Variants in CNOT6L observed in about 807,000 individuals in gnomAD.
CNOT6L encodes the protein CCR4-NOT transcription complex subunit 6-like.
A neutral mutation model predicts 64.0 loss-of-function variants in CNOT6L; 7 were observed. That is an observed-to-expected ratio of 0.11 (90% CI 0.06 to 0.21). CNOT6L has a LOEUF of 0.21. CNOT6L is among the 10% of genes least tolerant of loss of function. The pLI is 1.00. For missense variants in CNOT6L, 245 were observed against 669.0 expected (o/e 0.37, Z 6.99); for synonymous variants, 193 against 243.4 (o/e 0.79, Z 1.93).
At position 77,794,656 on chromosome 4, in the gene CNOT6L, C is replaced by G. The variant is rs144219664; in HGVS notation, c.6-18264G>C. ...CTGATAAATGGCATCAATGAAAAAT[C>G]TATAGCTAACATTAATGGTGAAATT... On this transcript the variant is annotated intron_variant, in intron 1 of 11. Transcript: ENST00000504123. Among the ~76,000 whole-genome samples, 506 of 152,252 alleles carry G rather than the reference C, an allele frequency of 3.3e-3. 7 individuals are homozygous for G. The East Asian group carries it at 0.036, about 11-fold the overall frequency.
intron 1 of CNOT6L, among the ~76,000 whole-genome samples, chr4:77,779,046 C>CAAAAAAAAAAAAAAAAAAAAAAAAA (rs747920305): frequency 1.5e-5 from 1 of 67,112 alleles, no homozygotes. Flanking sequence ...GACTCTGTCT[C>CAAAAAAAAAAAAAAAAAAAAAAAAA]AAAAAAAAAA....
chr4:77,752,022 A>T (rs1009978306), intron 5 of CNOT6L, among the ~76,000 whole-genome samples: 2 of 152,178 alleles, frequency 1.3e-5, no homozygotes, highest in African/African-American at 2.4e-5. Context: ...AATATTAAAA[A>T]ATTAGCCAGA....
intron 1 of CNOT6L, among the ~76,000 whole-genome samples, chr4:77,784,162 G>A (rs1207833488): frequency 6.6e-6 from 1 of 152,008 alleles, no homozygotes; most frequent in Non-Finnish European, 1.5e-5. Context: ...AAATAAAGGA[G>A]AAAGAAATCG....
chr4:77,812,343 C>A (rs1247725017), intron 1 of CNOT6L, among the ~76,000 whole-genome samples: 2 of 151,214 alleles, frequency 1.3e-5, no homozygotes, highest in African/African-American at 2.4e-5. Context: ...GAAGCTGAGG[C>A]TGGAGAATCA....
intron 8 of CNOT6L, among the ~76,000 whole-genome samples, chr4:77,736,657 CAT>C (rs745970367): frequency 7.4e-4 from 112 of 152,080 alleles, no homozygotes; most frequent in Non-Finnish European, 1.0e-3. Flanking sequence ...ACTTTCCAAT[CAT>C]TGTTCCAAGC....
intron 4 of CNOT6L, among the ~76,000 whole-genome samples, chr4:77,766,494 T>C (rs1234977404): frequency 1.3e-5 from 2 of 151,486 alleles, no homozygotes; most frequent in Non-Finnish European, 2.9e-5. Context: ...TGAATTATCC[T>C]AGAGTCAGTG....
At chr4:77,809,096 A>G (rs1418004497) in intron 1 of CNOT6L, among the ~76,000 whole-genome samples, 1 of 152,164 alleles carries the variant, frequency 6.6e-6, no homozygotes, top group Non-Finnish European at 1.5e-5. Flanking sequence ...GAGATAAGGA[A>G]TATTATCTCC....
At chr4:77,788,324 A>C (rs1729688525) in intron 1 of CNOT6L, among the ~76,000 whole-genome samples, 1 of 152,352 alleles carries the variant, frequency 6.6e-6, no homozygotes, top group Middle Eastern at 3.4e-3. Context: ...CAAAATGAAA[A>C]GCAAGTAAAA....
At chr4:77,752,329 T>C (rs1724948849) in intron 5 of CNOT6L, among the ~76,000 whole-genome samples, 1 of 152,214 alleles carries the variant, frequency 6.6e-6, no homozygotes, top group Non-Finnish European at 1.5e-5. Context: ...GACATAGCTT[T>C]ATTGGTAATG....
At chr4:77,818,904 A>C in intron 1 of CNOT6L, 6 of 523,898 alleles carry the variant, frequency 1.1e-5, no homozygotes, top group Non-Finnish European at 1.1e-5. Context: ...CAGCTCTCCC[A>C]GCCCCGCTGC....
intron 1 of CNOT6L, among the ~76,000 whole-genome samples, chr4:77,809,555 A>G (rs1477177232): frequency 1.3e-5 from 2 of 152,128 alleles, no homozygotes; most frequent in Non-Finnish European, 2.9e-5. Flanking sequence ...CTAAATATGA[A>G]CCTATAGAAG....
At chr4:77,765,730 G>A (rs1560410093) in intron 4 of CNOT6L, among the ~76,000 whole-genome samples, 1 of 152,110 alleles carries the variant, frequency 6.6e-6, no homozygotes, top group Non-Finnish European at 1.5e-5. Flanking sequence ...TGATTCCAAG[G>A]GTTATCTGTC....
At chr4:77,775,009 A>T (rs1728001266) in intron 2 of CNOT6L, among the ~76,000 whole-genome samples, 1 of 152,184 alleles carries the variant, frequency 6.6e-6, no homozygotes, top group African/African-American at 2.4e-5. Context: ...TCTCAACCAG[A>T]GGCAATTTTG....
At chr4:77,727,730 C>A (rs1407048548) in intron 10 of CNOT6L, among the ~76,000 whole-genome samples, 1 of 152,178 alleles carries the variant, frequency 6.6e-6, no homozygotes, top group Admixed American at 6.5e-5. Context: ...TTTAACAAAT[C>A]AAATACAATG....
intron 3 of CNOT6L, 71 bp from the exon 4 acceptor site, chr4:77,773,237 A>G: frequency 1.1e-6 from 1 of 939,188 alleles, no homozygotes; most frequent in Non-Finnish European, 1.6e-6. Flanking sequence ...TGCCATTCTT[A>G]AGGCTCCTTC....
intron 1 of CNOT6L, among the ~76,000 whole-genome samples, chr4:77,798,578 T>C (rs551598796): frequency 6.6e-6 from 1 of 152,334 alleles, no homozygotes; most frequent in South Asian, 2.1e-4. Flanking sequence ...TTTGGCCTAT[T>C]AGAATGGCTA....
At chr4:77,745,646 A>G (rs1724109792) in intron 6 of CNOT6L, among the ~76,000 whole-genome samples, 1 of 152,202 alleles carries the variant, frequency 6.6e-6, no homozygotes, top group Non-Finnish European at 1.5e-5. Context: ...TTTATCAGTA[A>G]TTCTCCATCT....
At chr4:77,733,646 C>T (rs1428077687) in intron 8 of CNOT6L, among the ~76,000 whole-genome samples, 1 of 151,940 alleles carries the variant, frequency 6.6e-6, no homozygotes, top group Admixed American at 6.6e-5. Context: ...TTTACTTCTA[C>T]CAAAGCTAGG....
intron 1 of CNOT6L, 125 bp downstream of exon 1, chr4:77,819,179 C>T: frequency 6.3e-7 from 1 of 1,592,400 alleles, no homozygotes; most frequent in South Asian, 1.1e-5. Flanking sequence ...GCCGCCTCCC[C>T]GCCCGCCAAA....
Sources: gnomAD v4.1 joint callset for allele counts (sites outside exome capture counted in the v4.1 genomes callset) on GRCh38, gnomAD v4.1.1 for gene constraint, MANE v1.5 for transcripts, NCBI Gene and HGNC (gene_info 2026-07-23, HGNC 2026-07-21) for gene names.